Variants in PSMD14 observed in about 807,000 individuals in gnomAD.
The protein encoded by PSMD14 is ubiquitin C-terminal hydrolase PSMD14.
Under a neutral mutation model 41.2 loss-of-function variants are expected in PSMD14, and 7 were observed. That is an observed-to-expected ratio of 0.17 (90% CI 0.10 to 0.32). PSMD14 has a LOEUF of 0.32. Among genes scored for constraint, PSMD14 ranks in the 10% least tolerant of loss-of-function variants. PSMD14 has a pLI of 1.00. For synonymous variants in PSMD14, 114 were observed against 122.3 expected (o/e 0.93, Z 0.45); for missense variants, 139 against 375.6 (o/e 0.37, Z 5.21).
At chr2:161,359,333 C>T (rs1342035031) in intron 3 of PSMD14, among the ~76,000 whole-genome samples, 1 of 152,128 alleles carries the variant, frequency 6.6e-6, no homozygotes, top group Non-Finnish European at 1.5e-5. Flanking sequence ...TATATATATG[C>T]ATCCATAATT....
At chr2:161,372,630 C>G (rs1683450877) in intron 7 of PSMD14, among the ~76,000 whole-genome samples, 1 of 151,530 alleles carries the variant, frequency 6.6e-6, no homozygotes, top group Non-Finnish European at 1.5e-5. Context: ...AATTTATTTA[C>G]TTTTTTTTAA....
intron 3 of PSMD14, among the ~76,000 whole-genome samples, chr2:161,334,945 G>C (rs1029414260): frequency 6.6e-6 from 1 of 152,220 alleles, no homozygotes; most frequent in Non-Finnish European, 1.5e-5. Flanking sequence ...ATCTCAAATA[G>C]CATTGTGAAT....
chr2:161,391,971 GT>G (rs1176873898), intron 9 of PSMD14, among the ~76,000 whole-genome samples: 1 of 152,076 alleles, frequency 6.6e-6, no homozygotes, highest in Non-Finnish European at 1.5e-5. Flanking sequence ...CAGTTTTAGG[GT>G]TTTCAGATAA....
intron 3 of PSMD14, among the ~76,000 whole-genome samples, chr2:161,335,438 T>C (rs893230690): frequency 1.3e-5 from 2 of 152,266 alleles, no homozygotes; most frequent in African/African-American, 4.8e-5. Context: ...TAATTTAAAA[T>C]AGTTTAAATT....
intron 3 of PSMD14, among the ~76,000 whole-genome samples, chr2:161,319,721 C>T (rs1689182985): frequency 6.6e-6 from 1 of 152,148 alleles, no homozygotes; most frequent in African/African-American, 2.4e-5. Context: ...CTATCAGTGA[C>T]TTCATCTTTC....
chr2:161,348,986 A>C (rs1031773043), intron 3 of PSMD14, among the ~76,000 whole-genome samples: 11 of 152,110 alleles, frequency 7.2e-5, no homozygotes, highest in African/African-American at 2.7e-4. Flanking sequence ...CTGCTCACAT[A>C]CCTGGTTCAT....
At position 161,400,003 on chromosome 2, in the gene PSMD14, A is replaced by G. The variant is rs548182182; in HGVS notation, c.771+4800A>G. Among the ~76,000 whole-genome samples the G allele has an allele frequency of 7.2e-5, 11 of 152,308 alleles. No homozygotes were observed. In the East Asian group the frequency reaches 1.5e-3, roughly 21 times the overall value. ...TTTCAAAAGTATCTCTATCTTGCAT[A>G]TATGTCAACATATTGTGTTGGTAAC... On this transcript the variant is annotated intron_variant, in intron 10 of 11. Coordinates refer to ENST00000409682, the MANE Select transcript of PSMD14 (RefSeq NM_005805.6).
intron 7 of PSMD14, among the ~76,000 whole-genome samples, chr2:161,378,509 T>A (rs1263197977): frequency 2.0e-5 from 3 of 151,912 alleles, no homozygotes; most frequent in Non-Finnish European, 4.4e-5. Context: ...TTTTTGAGGT[T>A]TTCATTTCAA....
At chr2:161,385,604 C>G in intron 8 of PSMD14, 33 bp downstream of exon 8, 1 of 1,391,802 alleles carries the variant, frequency 7.2e-7, no homozygotes, top group Non-Finnish European at 1.0e-6. Context: ...TGTTAAAACT[C>G]TTTTAAATTT....
intron 3 of PSMD14, among the ~76,000 whole-genome samples, chr2:161,343,618 A>G (rs1354139941): frequency 6.6e-6 from 1 of 152,364 alleles, no homozygotes; most frequent in Non-Finnish European, 1.5e-5. Context: ...ACCTGAGGTC[A>G]GGAGTTTGAG....
chr2:161,364,492 C>G (rs568914972), intron 3 of PSMD14, among the ~76,000 whole-genome samples: 1 of 152,116 alleles, frequency 6.6e-6, no homozygotes, highest in African/African-American at 2.4e-5. Context: ...GGGCCACACC[C>G]TCCTCTACCC....
rs201522506 is a variant in PSMD14, at chr2:161,411,355, T to C, written c.888T>C (p.Ile296=). 3 of 1,610,842 alleles carry C rather than the reference T, an allele frequency of 1.9e-6. No individual in the cohort carries two copies. ...EHVDVLMTSN[I]VQCLAAMLDT... ...TGGATGTACTTATGACCTCAAATAT[T>C]GTCCAGTGTTTAGCAGCTATGTTGG... Residue 296 remains isoleucine (I), a synonymous_variant, in exon 12 of 12, where the codon ATT becomes ATC. Coordinates refer to ENST00000409682, the MANE Select transcript of PSMD14 (RefSeq NM_005805.6).
At chr2:161,339,012 A>C (rs1345768388) in intron 3 of PSMD14, among the ~76,000 whole-genome samples, 1 of 152,056 alleles carries the variant, frequency 6.6e-6, no homozygotes, top group Non-Finnish European at 1.5e-5. Flanking sequence ...CATTGGATGG[A>C]TATATAACAC....
intron 8 of PSMD14, 132 bp downstream of exon 8, chr2:161,385,703 ATTGTGG>A: frequency 3.6e-6 from 2 of 559,870 alleles, no homozygotes; most frequent in Non-Finnish European, 6.0e-6. Context: ...TTTTAAAAGA[ATTGTGG>A]AAATACTGTT....
chr2:161,362,729 T>A (rs1683307220), intron 3 of PSMD14, among the ~76,000 whole-genome samples: 1 of 152,198 alleles, frequency 6.6e-6, no homozygotes, highest in South Asian at 2.1e-4. Flanking sequence ...CTGTGTTGCA[T>A]TTTTTTCCCA....
intron 4 of PSMD14, 80 bp from the exon 5 acceptor site, chr2:161,367,704 A>C (rs1559048563): frequency 1.8e-5 from 28 of 1,524,094 alleles, no homozygotes; most frequent in Non-Finnish European, 2.4e-5. Flanking sequence ...ACTGGAACAA[A>C]ATTTGGTTTT....
chr2:161,367,380 C>G, intron 3 of PSMD14, 98 bp from the exon 4 acceptor site: 2 of 1,009,588 alleles, frequency 2.0e-6, no homozygotes, highest in Non-Finnish European at 2.9e-6. Flanking sequence ...TTTTGCAAAA[C>G]TATTTTAAAA....
rs1423428612 is a variant in PSMD14 at position 161,371,217 on chromosome 2, T to C, written c.357T>C (p.Gly119=). Residue 119 remains glycine (G), a synonymous_variant, in exon 7 of 12, where the codon GGT becomes GGC. Transcript: ENST00000409682. ...VGWYHSHPGF[G]CWLSGVDINT... ...GGTATCACAGTCACCCTGGCTTTGG[T>C]TGTTGGCTTTCTGGTGTGGATATCA... The C allele has an allele frequency of 1.2e-6, 2 of 1,612,760 alleles. No homozygotes were observed. The highest frequency in any genetic ancestry group is 1.7e-6 in the Non-Finnish European group (2 of 1,179,280).
At chr2:161,353,319 G>C (rs1193043137) in intron 3 of PSMD14, among the ~76,000 whole-genome samples, 1 of 152,148 alleles carries the variant, frequency 6.6e-6, no homozygotes, top group Non-Finnish European at 1.5e-5. Context: ...TTTTCATAAA[G>C]CCAAAAGTAT....
Sources: allele counts gnomAD v4.1 joint callset (sites outside exome capture counted in the v4.1 genomes callset), GRCh38; gene constraint gnomAD v4.1.1; transcripts MANE v1.5; gene names NCBI Gene and HGNC (gene_info 2026-07-23, HGNC 2026-07-21).